The following MAPT variants were observed in gnomAD, a reference collection of about 807,000 sequenced individuals.
The protein encoded by MAPT is microtubule-associated protein tau.
MAPT carries 34 observed loss-of-function variants against 67.9 expected under a neutral mutation model. The ratio of observed to expected loss-of-function variants is 0.50; its 90% confidence interval spans 0.38 to 0.67. MAPT has a LOEUF of 0.67. Ranked by LOEUF, MAPT falls within the 30% of genes least tolerant of loss-of-function variation. MAPT has a pLI of 0.00. For missense variants in MAPT, 881 were observed against 1,115.2 expected (o/e 0.79, Z 2.99); for synonymous variants, 456 against 464.5 (o/e 0.98, Z 0.23).
chr17:45,937,542 GA>G (rs149740974), intron 1 of MAPT, among the ~76,000 whole-genome samples: 1,779 of 149,998 alleles, frequency 0.012, 26 homozygotes, highest in African/African-American at 0.041. Context: ...AGTAAGCTGT[GA>G]TTGCACCACT....
intron 1 of MAPT, among the ~76,000 whole-genome samples, chr17:45,928,689 T>TTGTC (rs1212670124): frequency 6.6e-6 from 1 of 152,000 alleles, no homozygotes; most frequent in Admixed American, 6.6e-5. Context: ...TATATATATT[T>TTGTC]TGTTTGTTTG....
chr17:45,922,465 G>A (rs189876971), intron 1 of MAPT, among the ~76,000 whole-genome samples: 119 of 145,806 alleles, frequency 8.2e-4, no homozygotes, highest in African/African-American at 2.8e-3. Flanking sequence ...ACTGAGTCCC[G>A]TCCCTGCAGG....
chr17:46,014,139 T>C, intron 10 of MAPT, 104 bp from the exon 11 acceptor site: 3 of 741,780 alleles, frequency 4.0e-6, no homozygotes, highest in South Asian at 1.5e-5. Context: ...CTGCTTCTCA[T>C]TGAGTTACAC....
At chr17:45,956,548 T>TTATATATATA (rs57223421) in intron 1 of MAPT, among the ~76,000 whole-genome samples, 1 of 95,258 alleles carries the variant, frequency 1.0e-5, no homozygotes, top group African/African-American at 3.9e-5. Flanking sequence ...GCAGGTTCTT[T>TTATATATATA]TATATATATA....
intron 5 of MAPT, among the ~76,000 whole-genome samples, chr17:45,986,076 A>G (rs548132560): frequency 3.7e-4 from 56 of 152,384 alleles, no homozygotes; most frequent in African/African-American, 1.3e-3. Context: ...CTGACAGGTC[A>G]GCGGGTTGGT....
intron 6 of MAPT, among the ~76,000 whole-genome samples, chr17:45,988,843 C>G (rs1403052077): frequency 6.6e-6 from 1 of 152,086 alleles, no homozygotes; most frequent in Non-Finnish European, 1.5e-5. Context: ...CGTGATGGCA[C>G]CACTGCACTC....
chr17:45,941,645 TCCCCCCTTCCACCCTTCCCCCCTTCCCC>T (rs2067896981), intron 1 of MAPT, among the ~76,000 whole-genome samples: 1 of 99,774 alleles, frequency 1.0e-5, no homozygotes, highest in African/African-American at 4.3e-5. Context: ...TTTCCCTCCT[TCCCCCCTTCCACCCTTCCCCCCTTCCCC>T]CCTTCCCTCC....
intron 9 of MAPT, chr17:45,999,559 C>T (rs751843089): frequency 5.6e-6 from 9 of 1,613,070 alleles, no homozygotes; most frequent in Non-Finnish European, 7.6e-6. Context: ...GGGAAGACAA[C>T]TTTCCATTGA....
chr17:46,010,323 A>G lies in MAPT; in HGVS notation c.2012A>G (p.Asn671Ser). Reference protein sequence around the residue: ...QPGGGKVQIINKKLDLSNVQS... With the variant: ...QPGGGKVQIISKKLDLSNVQS... ...TGGCTACCAAAGGTGCAGATAATTA[A>G]TAAGAAGCTGGATCTTAGCAACGTC... The change falls in exon 10 of 13, where the codon AAT (asparagine) becomes AGT (serine). Residue 671 changes from asparagine to serine, a missense_variant. This residue lies in a region of MAPT where 34 missense variants were observed against 51.2 expected (regional missense o/e 0.66). Coordinates refer to ENST00000262410, the MANE Select transcript of MAPT (RefSeq NM_001377265.1). The surrounding 1 kb of genome is among the most constrained non-coding windows in gnomAD (Gnocchi z 4.7). 2 of 1,573,592 alleles carry G rather than the reference A, an allele frequency of 1.3e-6. No homozygotes were observed. The highest frequency in any genetic ancestry group is 1.7e-6 in the Non-Finnish European group (2 of 1,158,324).
chr17:46,024,228 A>AT lies in MAPT; in HGVS notation c.*57_*58insT. On this transcript the variant is annotated 3_prime_UTR_variant, in exon 13 of 13. Transcript: ENST00000262410. ...GAGGAGAGAATGAGAGAGTGTGGAA[A>AT]AAAAAAGAATAATGACCCGGCCCCC... 1 of 1,516,486 alleles carries AT rather than the reference A, an allele frequency of 6.6e-7. No individual in the cohort carries two copies. 93.9% of individuals were successfully genotyped at this position (1,516,486 alleles called of 1,614,324 possible). A position where few individuals can be genotyped will look rare whatever the true frequency, so the allele number is the denominator to read the frequency against.
chr17:45,997,778 C>A (rs773630759), intron 9 of MAPT, among the ~76,000 whole-genome samples: 4 of 151,944 alleles, frequency 2.6e-5, no homozygotes, highest in Non-Finnish European at 4.4e-5. Flanking sequence ...ATAAAACAAA[C>A]CAAAAAAACC....
At chr17:45,963,669 A>G (rs192562491) in intron 2 of MAPT, among the ~76,000 whole-genome samples, 7 of 152,178 alleles carry the variant, frequency 4.6e-5, no homozygotes, top group Non-Finnish European at 8.8e-5. Flanking sequence ...TGGGTAGTGC[A>G]TGGAAGCCGT....
chr17:46,025,354 A>G lies in MAPT; in HGVS notation c.*1183A>G, dbSNP rs2076761229. The G allele has an allele frequency of 6.6e-6, 1 of 151,580 alleles. No individual in the cohort carries two copies. Among genetic ancestry groups the G allele is most frequent in the Admixed American group, 6.6e-5 (1 of 15,070 alleles). The allele number at this position is 151,580 out of a possible 1,614,324, so 9.4% of individuals were successfully genotyped here. Reference sequence around the variant, plus strand: ...GTGCTGTTGTCTGCCGTGAGAGCCCAATCACTGCCTATACCCCTCATCACA... The same window carrying G: ...GTGCTGTTGTCTGCCGTGAGAGCCCGATCACTGCCTATACCCCTCATCACA... On this transcript the variant is annotated 3_prime_UTR_variant, in exon 13 of 13. Coordinates refer to ENST00000262410, the MANE Select transcript of MAPT (RefSeq NM_001377265.1).
rs553233035 is a variant in MAPT, at chr17:45,921,779, T to C, written c.-18+27093T>C. Among the ~76,000 whole-genome samples the C allele has an allele frequency of 3.3e-5, 5 of 152,312 alleles. No individual in the cohort carries two copies. In the East Asian group the frequency reaches 9.6e-4, roughly 29 times the overall value. ...AAACTCTATCTGGAGGAATTCAAGC[T>C]AGACTTCAGGAATAACTTCTTGAGG... On this transcript the variant is annotated intron_variant, in intron 1 of 12. Transcript: ENST00000262410.
intron 2 of MAPT, among the ~76,000 whole-genome samples, chr17:45,968,458 T>C (rs2071313736): frequency 2.0e-5 from 3 of 152,152 alleles, no homozygotes; most frequent in Non-Finnish European, 2.9e-5. Context: ...CTGTCCTCTA[T>C]CATATCAGGG....
chr17:45,967,034 T>C (rs904872018), intron 2 of MAPT, among the ~76,000 whole-genome samples: 1 of 152,192 alleles, frequency 6.6e-6, no homozygotes, highest in African/African-American at 2.4e-5. Context: ...GCAGAAGGTG[T>C]CACTTTACTA....
intron 1 of MAPT, among the ~76,000 whole-genome samples, chr17:45,942,029 A>C (rs2068047602): frequency 6.6e-6 from 1 of 152,090 alleles, no homozygotes; most frequent in Admixed American, 6.5e-5. Context: ...GTTTTGTCAA[A>C]ATGAGAACAT....
chr17:45,908,411 G>A (rs973661180), intron 1 of MAPT: 13 of 152,200 alleles, frequency 8.5e-5, no homozygotes, highest in African/African-American at 2.7e-4. Flanking sequence ...ATTAAAAGTG[G>A]GGCGGTTTCC....
At position 46,025,845 on chromosome 17, in the gene MAPT, C is replaced by T. The variant is rs1311143726; in HGVS notation, c.*1674C>T. On this transcript the variant is annotated 3_prime_UTR_variant, in exon 13 of 13. Coordinates refer to ENST00000262410, the MANE Select transcript of MAPT (RefSeq NM_001377265.1). ...TGTAGCTGCCAACCTCCCAGACAGCCCAGCCCGCTGCTCAGCTCCACATGC... is the reference window on the plus strand; with the variant it reads ...TGTAGCTGCCAACCTCCCAGACAGCTCAGCCCGCTGCTCAGCTCCACATGC... The T allele has an allele frequency of 6.5e-6, 1 of 152,696 alleles. No individual in the cohort carries two copies. Among genetic ancestry groups the T allele is most frequent in the East Asian group, 1.9e-4 (1 of 5,194 alleles). 9.5% of individuals were successfully genotyped at this position (152,696 alleles called of 1,614,324 possible). A position where few individuals can be genotyped will look rare whatever the true frequency, so the allele number is the denominator to read the frequency against.
Sources: gnomAD v4.1 joint callset for allele counts (sites outside exome capture counted in the v4.1 genomes callset) on GRCh38, gnomAD v4.1.1 for gene constraint, gnomAD v4.1.1 regional missense constraint, Gnocchi (gnomAD v3.1) non-coding constraint, MANE v1.5 for transcripts, NCBI Gene and HGNC (gene_info 2026-07-23, HGNC 2026-07-21) for gene names.